EPAS1: variants seen among roughly 807,000 people sequenced by gnomAD.
The protein encoded by EPAS1 is endothelial PAS domain protein 1, also known as endothelial PAS domain-containing protein 1.
In EPAS1, 23 loss-of-function variants were observed where a neutral mutation model predicts 87.9. The observed-to-expected ratio is 0.26, with a 90% CI of 0.19 to 0.37. The LOEUF is 0.37. Among genes scored for constraint, EPAS1 ranks in the 10% least tolerant of loss-of-function variants. The pLI is 1.00. For synonymous variants in EPAS1, 508 were observed against 444.3 expected (o/e 1.14, Z -1.80); for missense variants, 1,138 against 1,120.7 (o/e 1.02, Z -0.22).
chr2:46,376,808 G>A, intron 9 of EPAS1, 55 bp downstream of exon 9: 1 of 1,584,230 alleles, frequency 6.3e-7, no homozygotes, highest in Non-Finnish European at 8.6e-7. Context: ...GCTGGGAAGA[G>A]TTCTTACTAT....
chr2:46,300,877 G>A lies in EPAS1; in HGVS notation c.26+2940G>A, dbSNP rs1380850431. On this transcript the variant is annotated intron_variant, in intron 1 of 15. Transcript: ENST00000263734. This position sits in a 1 kb window ranked among gnomAD's most constrained non-coding sequence, Gnocchi z 4.1. The stretch of plus-strand genomic sequence containing the variant: ...AATCTCCCCCTCCTTCTGACAGCTG[G>A]ACTTAGTTGTTCCTCTTCTAAAATC... Among the ~76,000 whole-genome samples, 1 of 152,148 alleles carries A rather than the reference G, an allele frequency of 6.6e-6. No homozygotes were observed. Among genetic ancestry groups the A allele is most frequent in the Non-Finnish European group, 1.5e-5 (1 of 68,036 alleles).
chr2:46,367,573 A>G (rs1018132214), intron 6 of EPAS1, among the ~76,000 whole-genome samples: 1 of 152,240 alleles, frequency 6.6e-6, no homozygotes, highest in African/African-American at 2.4e-5. Flanking sequence ...CGCCAGCCCC[A>G]GGGTCAGGTT....
intron 1 of EPAS1, among the ~76,000 whole-genome samples, chr2:46,323,411 A>G (rs1041963267): frequency 2.0e-5 from 3 of 152,268 alleles, no homozygotes; most frequent in African/African-American, 7.2e-5. Flanking sequence ...GATGGGAGGA[A>G]TAAACAAGAC....
At position 46,360,591 on chromosome 2, in the gene EPAS1, C is replaced by T. The variant is rs1684365341; in HGVS notation, c.455-47C>T. ...CAGCTGGGCCCCTCTCATGAATATC[C>T]ATATAAAACTGACTTCAGCTGGTTC... On this transcript the variant is annotated intron_variant, in intron 4 of 15. Transcript: ENST00000263734. The surrounding 1 kb of genome is among the most constrained non-coding windows in gnomAD (Gnocchi z 4.5). 3.3e-6 allele frequency: 5 copies of T among 1,518,438 alleles called. No individual in the cohort carries two copies. In the South Asian group the frequency reaches 4.5e-5, roughly 14 times the overall value. 94.1% of individuals were successfully genotyped at this position (1,518,438 alleles called of 1,614,324 possible). A position where few individuals can be genotyped will look rare whatever the true frequency, so the allele number is the denominator to read the frequency against.
intron 2 of EPAS1, among the ~76,000 whole-genome samples, chr2:46,350,975 T>C (rs2103620737): frequency 6.6e-6 from 1 of 152,340 alleles, no homozygotes; most frequent in South Asian, 2.1e-4. Flanking sequence ...TGATATGACC[T>C]TTCCATGCAG....
chr2:46,309,394 G>A (rs1683170284), intron 1 of EPAS1, among the ~76,000 whole-genome samples: 1 of 152,226 alleles, frequency 6.6e-6, no homozygotes, highest in Admixed American at 6.5e-5. Flanking sequence ...GGATGTCCAA[G>A]CTGCCTTTAC....
intron 7 of EPAS1, among the ~76,000 whole-genome samples, chr2:46,372,252 G>A (rs1684641870): frequency 6.6e-6 from 1 of 152,212 alleles, no homozygotes; most frequent in Non-Finnish European, 1.5e-5. Context: ...ATCTGCTTGG[G>A]TTGGAAATTG....
At chr2:46,376,859 AC>A in intron 9 of EPAS1, 106 bp downstream of exon 9, 1 of 1,178,850 alleles carries the variant, frequency 8.5e-7, no homozygotes, top group Non-Finnish European at 1.2e-6. Flanking sequence ...AACCAGAGCT[AC>A]CCCAGCCCCC....
At chr2:46,321,852 G>A (rs1683460112) in intron 1 of EPAS1, among the ~76,000 whole-genome samples, 1 of 152,104 alleles carries the variant, frequency 6.6e-6, no homozygotes. Flanking sequence ...ATAATAACTG[G>A]CATATAGGAT....
At position 46,297,640 on chromosome 2, in the gene EPAS1, T is replaced by G; in HGVS notation, c.-272T>G. On this transcript the variant is annotated 5_prime_UTR_variant, in exon 1 of 16. Transcript: ENST00000263734. ...AACTTGGGTTCCCTTCTCTCCGTCC[T>G]CTTTTCGGGTCTGACAGCCTCCACC... is the stretch of plus-strand genomic sequence containing the variant. The G allele has an allele frequency of 2.0e-6, 1 of 505,542 alleles. No individual in the cohort carries two copies. The highest frequency in any genetic ancestry group is 3.5e-6 in the Non-Finnish European group (1 of 282,822). 31.3% of individuals were successfully genotyped at this position (505,542 alleles called of 1,614,324 possible).
At position 46,297,810 on chromosome 2, in the gene EPAS1, C is replaced by G. The variant is rs886056082; in HGVS notation, c.-102C>G. ...GACCTGCGCGCACCTCGGACCTTCACCACCCGCCCGGGCCGCGGGGAGCGG... is the reference window on the plus strand; with the variant it reads ...GACCTGCGCGCACCTCGGACCTTCAGCACCCGCCCGGGCCGCGGGGAGCGG... On this transcript the variant is annotated 5_prime_UTR_variant, in exon 1 of 16. Transcript: ENST00000263734. The G allele has an allele frequency of 6.5e-5, 98 of 1,518,718 alleles. No homozygotes were observed. Among genetic ancestry groups the G allele is most frequent in the East Asian group, 4.9e-5 (2 of 40,614 alleles). The allele number at this position is 1,518,718 out of a possible 1,614,324, so 94.1% of individuals were successfully genotyped here.
intron 12 of EPAS1, chr2:46,381,217 G>A (rs1684882943): frequency 2.7e-6 from 1 of 373,856 alleles, no homozygotes; most frequent in Non-Finnish European, 5.2e-6. Context: ...CTAAGGCACA[G>A]GGGTTGGTAC....
In EPAS1 at chr2:46,297,592, G is replaced by A. The variant is rs1458776188; in HGVS notation, c.-320G>A. Reference sequence around the variant, plus strand: ...TTTTTCTTTGAAAACTCAGAAAAGTGACTCCTTTTCCAGGGAAAAAGGAAC... The same window carrying A: ...TTTTTCTTTGAAAACTCAGAAAAGTAACTCCTTTTCCAGGGAAAAAGGAAC... On this transcript the variant is annotated 5_prime_UTR_variant, in exon 1 of 16. Transcript: ENST00000263734. 1.0e-5 allele frequency: 4 copies of A among 389,094 alleles called. No homozygotes were observed. Among genetic ancestry groups the A allele is most frequent in the African/African-American group, 8.8e-5 (4 of 45,258 alleles). 24.1% of individuals were successfully genotyped at this position (389,094 alleles called of 1,614,324 possible). A position where few individuals can be genotyped will look rare whatever the true frequency, so the allele number is the denominator to read the frequency against.
rs1486217904 is a variant in EPAS1, at chr2:46,385,083, A to C, written c.*423A>C. On this transcript the variant is annotated 3_prime_UTR_variant, in exon 16 of 16. Coordinates refer to ENST00000263734, the MANE Select transcript of EPAS1 (RefSeq NM_001430.5). Reference sequence around the variant, plus strand: ...TTCCTCGTTATTGTTGTTGCCAAAGAGAAACAAAAATGATTTTGCTTTCCA... The same window carrying C: ...TTCCTCGTTATTGTTGTTGCCAAAGCGAAACAAAAATGATTTTGCTTTCCA... 1 of 183,050 alleles carries C rather than the reference A, an allele frequency of 5.5e-6. No individual in the cohort carries two copies. Among genetic ancestry groups the C allele is most frequent in the African/African-American group, 2.4e-5 (1 of 42,288 alleles). The allele number at this position is 183,050 out of a possible 1,614,324, so 11.3% of individuals were successfully genotyped here.
In EPAS1 at chr2:46,374,123, G is replaced by A. The variant is rs370832798; in HGVS notation, c.887-1567G>A. On this transcript the variant is annotated intron_variant, in intron 7 of 15. Transcript: ENST00000263734. ...TTACAGGAATTCTTGCACTTTGCAG[G>A]TGCTTGTTAAATTGTGAAGAAGAAA... Among the ~76,000 whole-genome samples the A allele has an allele frequency of 7.9e-5, 12 of 152,318 alleles. No individual in the cohort carries two copies. The East Asian group carries it at 1.3e-3, about 17-fold the overall frequency.
intron 1 of EPAS1, among the ~76,000 whole-genome samples, chr2:46,340,354 G>T (rs966169079): frequency 2.0e-5 from 3 of 152,188 alleles, no homozygotes; most frequent in Non-Finnish European, 2.9e-5. Flanking sequence ...GACACAGACC[G>T]TTAGAGTAGG....
chr2:46,320,404 C>T (rs115231034), intron 1 of EPAS1, among the ~76,000 whole-genome samples: 45 of 152,322 alleles, frequency 3.0e-4, no homozygotes, highest in African/African-American at 1.0e-3. Flanking sequence ...GTACAATGCA[C>T]ATGGAGCAGC....
intron 4 of EPAS1, among the ~76,000 whole-genome samples, chr2:46,359,262 A>AAAAAAAAAAAAAAAAAC: frequency 6.9e-6 from 1 of 145,832 alleles, no homozygotes; most frequent in Non-Finnish European, 1.5e-5. Flanking sequence ...TGTCTCAAAA[A>AAAAAAAAAAAAAAAAAC]AAAAAAAAAA....
At chr2:46,363,579 G>T (rs759681902) in intron 6 of EPAS1, among the ~76,000 whole-genome samples, 19 of 152,210 alleles carry the variant, frequency 1.2e-4, no homozygotes, top group Non-Finnish European at 2.1e-4. Flanking sequence ...CAAGGAATTG[G>T]ATGTCTAAAT....
Sources: gnomAD v4.1 joint callset for allele counts (sites outside exome capture counted in the v4.1 genomes callset) on GRCh38, gnomAD v4.1.1 for gene constraint, Gnocchi (gnomAD v3.1) non-coding constraint, MANE v1.5 for transcripts, NCBI Gene and HGNC (gene_info 2026-07-23, HGNC 2026-07-21) for gene names.